Variants in AOPEP observed in about 807,000 individuals in gnomAD.
The protein encoded by AOPEP is aminopeptidase O (putative).
In AOPEP, 77 loss-of-function variants were observed where a neutral mutation model predicts 98.1. The observed-to-expected ratio is 0.78, with a 90% CI of 0.65 to 0.95. The LOEUF is 0.95. AOPEP is among the 40% of genes least tolerant of loss of function. The pLI, the probability that AOPEP is intolerant of heterozygous loss-of-function variation, is 0.00. For synonymous variants in AOPEP, 346 were observed against 365.3 expected (o/e 0.95, Z 0.60); for missense variants, 1,024 against 1,024.7 (o/e 1.00, Z 0.01).
intron 13 of AOPEP, among the ~76,000 whole-genome samples, chr9:95,037,147 A>G (rs1416208219): frequency 6.6e-6 from 1 of 152,152 alleles, no homozygotes; most frequent in Non-Finnish European, 1.5e-5. Context: ...TCACAGCAGT[A>G]TTATTGATTT....
At chr9:95,051,567 T>C (rs1319577128) in intron 13 of AOPEP, among the ~76,000 whole-genome samples, 1 of 152,204 alleles carries the variant, frequency 6.6e-6, no homozygotes, top group Non-Finnish European at 1.5e-5. Context: ...TCTATTTGCT[T>C]TTTAAAAAAT....
At chr9:95,028,375 G>A (rs977180893) in intron 13 of AOPEP, among the ~76,000 whole-genome samples, 2 of 152,170 alleles carry the variant, frequency 1.3e-5, no homozygotes, top group Non-Finnish European at 2.9e-5. Flanking sequence ...GAGTCCAGGC[G>A]CACTATGCCT....
chr9:94,744,128 C>T (rs973746436), intron 1 of AOPEP, among the ~76,000 whole-genome samples: 8 of 146,350 alleles, frequency 5.5e-5, no homozygotes, highest in African/African-American at 2.2e-4. Context: ...TGCGCGGTGG[C>T]TTATGCCTGT....
At chr9:95,053,023 C>T (rs547426695) in intron 13 of AOPEP, among the ~76,000 whole-genome samples, 25 of 152,182 alleles carry the variant, frequency 1.6e-4, no homozygotes, top group Admixed American at 3.3e-4. Context: ...CCATACCTAC[C>T]GGGCCAGCTT....
chr9:95,001,367 G>T (rs766627592), intron 11 of AOPEP, among the ~76,000 whole-genome samples: 1 of 152,322 alleles, frequency 6.6e-6, no homozygotes, highest in Middle Eastern at 3.4e-3. Flanking sequence ...CAAAACATGC[G>T]TATCTACTGG....
chr9:95,058,034 C>A (rs190149564), intron 13 of AOPEP, among the ~76,000 whole-genome samples: 1 of 152,200 alleles, frequency 6.6e-6, no homozygotes, highest in Non-Finnish European at 1.5e-5. Context: ...TAAATATTTT[C>A]ATTGTGTAAA....
At chr9:94,825,587 A>G (rs1854330161) in intron 5 of AOPEP, among the ~76,000 whole-genome samples, 1 of 152,202 alleles carries the variant, frequency 6.6e-6, no homozygotes. Context: ...TTTGAAGCTC[A>G]GTTTTAAGGT....
intron 2 of AOPEP, among the ~76,000 whole-genome samples, chr9:94,767,438 G>A (rs1290408878): frequency 1.3e-5 from 2 of 152,116 alleles, no homozygotes; most frequent in Non-Finnish European, 2.9e-5. Flanking sequence ...ATAACAAATC[G>A]CAGTGCCCCG....
chr9:95,125,443 C>T, the AOPEP span, among the ~76,000 whole-genome samples: 1 of 152,204 alleles, frequency 6.6e-6, no homozygotes, highest in African/African-American at 2.4e-5. Flanking sequence ...CCCTTCCACA[C>T]AGGCTTGCAT....
chr9:94,861,512 C>T (rs1284299731), intron 5 of AOPEP, among the ~76,000 whole-genome samples: 2 of 152,140 alleles, frequency 1.3e-5, no homozygotes, highest in African/African-American at 4.8e-5. Context: ...GATTAAGCAA[C>T]CAAGGTCAAC....
intron 9 of AOPEP, among the ~76,000 whole-genome samples, chr9:94,962,349 C>A (rs1293929302): frequency 6.6e-6 from 1 of 152,152 alleles, no homozygotes; most frequent in Non-Finnish European, 1.5e-5. Flanking sequence ...AAAGATATTC[C>A]TATTTTTTCC....
intron 5 of AOPEP, among the ~76,000 whole-genome samples, chr9:94,900,096 A>C (rs2050183500): frequency 6.6e-6 from 1 of 152,188 alleles, no homozygotes; most frequent in Admixed American, 6.5e-5. Flanking sequence ...TTATAATATG[A>C]AGAGCACTGG....
At chr9:94,909,159 A>C (rs1259029852) in intron 5 of AOPEP, among the ~76,000 whole-genome samples, 1 of 152,168 alleles carries the variant, frequency 6.6e-6, no homozygotes, top group Non-Finnish European at 1.5e-5. Context: ...GCTGTGACTC[A>C]GGCCTGTTCT....
chr9:94,898,899 C>T (rs1469846713), intron 5 of AOPEP, among the ~76,000 whole-genome samples: 4 of 152,006 alleles, frequency 2.6e-5, no homozygotes, highest in African/African-American at 7.2e-5. Flanking sequence ...GCCGAGATCA[C>T]GCCATTGCAC....
intron 14 of AOPEP, among the ~76,000 whole-genome samples, chr9:95,063,703 G>C (rs1398829669): frequency 3.9e-5 from 6 of 152,196 alleles, no homozygotes; most frequent in Non-Finnish European, 7.3e-5. Flanking sequence ...ACTGTGTGGG[G>C]GAAATAGTGT....
chr9:94,962,730 C>CTTTTTTTTTTTT (rs3992777), intron 9 of AOPEP, among the ~76,000 whole-genome samples: 1 of 129,760 alleles, frequency 7.7e-6, no homozygotes, highest in African/African-American at 3.1e-5. Context: ...ATATTATCAT[C>CTTTTTTTTTTTT]TTTTTTTTTT....
At chr9:94,933,325 G>A in intron 7 of AOPEP, 3 of 985,478 alleles carry the variant, frequency 3.0e-6, no homozygotes, top group Non-Finnish European at 3.6e-6. Flanking sequence ...AGGCCCCAGG[G>A]ATGGAAGAGC....
chr9:95,073,813 C>T (rs766126413), intron 14 of AOPEP, among the ~76,000 whole-genome samples: 3 of 152,228 alleles, frequency 2.0e-5, no homozygotes, highest in Admixed American at 1.3e-4. Flanking sequence ...GAGCCGAGAT[C>T]GCGTCACTGT....
chr9:94,775,338 C>T (rs1039096114), intron 3 of AOPEP, among the ~76,000 whole-genome samples: 1 of 150,180 alleles, frequency 6.7e-6, no homozygotes, highest in Non-Finnish European at 1.5e-5. Flanking sequence ...GCTAGATTAA[C>T]GTATGTACTG....
Sources: allele counts gnomAD v4.1 joint callset (sites outside exome capture counted in the v4.1 genomes callset), GRCh38; gene constraint gnomAD v4.1.1; transcripts MANE v1.5; gene names NCBI Gene and HGNC (gene_info 2026-07-23, HGNC 2026-07-21).